Variants in CHD9 observed in about 807,000 individuals in gnomAD.
CHD9 encodes chromodomain helicase DNA binding protein 9.
CHD9 carries 77 observed loss-of-function variants against 316.1 expected under a neutral mutation model. That is an observed-to-expected ratio of 0.24 (90% CI 0.20 to 0.29). The LOEUF (loss-of-function observed/expected upper bound fraction) is 0.29, where lower values mean the gene tolerates loss of function less well. Ranked by LOEUF, CHD9 falls within the 10% of genes least tolerant of loss-of-function variation. The pLI is 1.00. For synonymous variants in CHD9, 1,129 were observed against 1,158.3 expected, an observed-to-expected ratio of 0.97 and a Z score of 0.51; for missense variants, 2,763 against 3,438.1, an observed-to-expected ratio of 0.80 and a Z score of 4.91.
chr16:53,280,515 CAG>C (rs373071354), intron 24 of CHD9, among the ~76,000 whole-genome samples: 2,962 of 151,660 alleles, frequency 0.02, 45 homozygotes, highest in Non-Finnish European at 0.024. Flanking sequence ...TATGGGGACT[CAG>C]GGGGGAAAGG....
intron 1 of CHD9, among the ~76,000 whole-genome samples, chr16:53,109,333 G>C (rs543777541): frequency 2.6e-5 from 4 of 152,272 alleles, no homozygotes; most frequent in Non-Finnish European, 5.9e-5. Flanking sequence ...GGGACTCGTA[G>C]TCCAGCTAGT....
Position 53,229,087 on chromosome 16 carries a change from A to G in CHD9, c.2273A>G (p.His758Arg). The part of the protein sequence containing the change: ...RFKLRQAQRA[H>R]FFADMEEEPF... ...AAATTGAGACAAGCACAAAGAGCAC[A>G]TTTTTTTGCAGACGTAAGAAAAAAA... is the stretch of plus-strand genomic sequence containing the variant. Residue 758 changes from histidine to arginine, a missense_variant, in exon 8 of 39, where the codon CAT becomes CGT. His to Arg is a conservative substitution (Grantham distance 29). Transcript: ENST00000447540. 6.4e-7 allele frequency: 1 copy of G among 1,571,038 alleles called. No homozygotes were observed. Among genetic ancestry groups the G allele is most frequent in the Non-Finnish European group, 8.7e-7 (1 of 1,154,358 alleles).
intron 24 of CHD9, among the ~76,000 whole-genome samples, chr16:53,276,973 A>G (rs2052901332): frequency 6.6e-6 from 1 of 152,190 alleles, no homozygotes; most frequent in African/African-American, 2.4e-5. Context: ...GGCTACTATG[A>G]ATACCTTTAT....
rs2049491936 is a variant in CHD9 at position 53,245,316 on chromosome 16, A to G, written c.3055-20A>G. ...TTTAGTACTGTGATGTTTGATGTGA[A>G]TTGTTCTCACTTTTTGTAGGAACAC... is the stretch of plus-strand genomic sequence containing the variant. On this transcript the variant is annotated intron_variant, in intron 13 of 38. Transcript: ENST00000447540. The surrounding 1 kb of genome is among the most constrained non-coding windows in gnomAD (Gnocchi z 4.1). 4.0e-6 allele frequency: 6 copies of G among 1,490,836 alleles called. No individual in the cohort carries two copies. The East Asian group carries it at 1.5e-4, about 37-fold the overall frequency. The allele number at this position is 1,490,836 out of a possible 1,614,324, so 92.4% of individuals were successfully genotyped here.
chr16:53,301,753 T>C (rs2055443934), intron 30 of CHD9, among the ~76,000 whole-genome samples: 2 of 149,324 alleles, frequency 1.3e-5, no homozygotes, highest in African/African-American at 4.9e-5. Context: ...CCTTCCTCTC[T>C]CTTTCTTTTT....
At chr16:53,163,664 A>G (rs1193112911) in intron 2 of CHD9, among the ~76,000 whole-genome samples, 1 of 152,180 alleles carries the variant, frequency 6.6e-6, no homozygotes, top group Non-Finnish European at 1.5e-5. Context: ...ATAATTTGTA[A>G]TGGTTTAGCA....
intron 1 of CHD9, among the ~76,000 whole-genome samples, chr16:53,135,263 G>A (rs1007230296): frequency 2.0e-5 from 3 of 152,162 alleles, no homozygotes; most frequent in African/African-American, 4.8e-5. Flanking sequence ...GCCTTGTGGG[G>A]CATATTAAAG....
rs188668021 is a variant in CHD9 at position 53,075,295 on chromosome 16, A to T, written c.-165+20218A>T. ...TTTTACAGGCTCATAGACAGAAGGG[A>T]CCTGCCTTGTCTCAGAAGAGACTTC... On this transcript the variant is annotated intron_variant, in intron 1 of 38. Transcript: ENST00000447540. Among the ~76,000 whole-genome samples, 26 of 152,274 alleles carry T rather than the reference A, an allele frequency of 1.7e-4. No individual in the cohort carries two copies. In the East Asian group the frequency reaches 4.6e-3, roughly 27 times the overall value.
At chr16:53,135,233 TAGAA>T (rs1184989953) in intron 1 of CHD9, among the ~76,000 whole-genome samples, 2 of 151,996 alleles carry the variant, frequency 1.3e-5, no homozygotes, top group Non-Finnish European at 2.9e-5. Flanking sequence ...AAATGAGAGA[TAGAA>T]AGCAGATTAT....
intron 1 of CHD9, among the ~76,000 whole-genome samples, chr16:53,119,723 T>C (rs2038592915): frequency 6.6e-6 from 1 of 152,082 alleles, no homozygotes; most frequent in Non-Finnish European, 1.5e-5. Context: ...TCCCAGCTAC[T>C]TGGGAGGCTG....
At chr16:53,267,848 T>C in intron 21 of CHD9, 79 bp from the exon 22 acceptor site, 1 of 1,294,614 alleles carries the variant, frequency 7.7e-7, no homozygotes, top group Non-Finnish European at 1.1e-6. Flanking sequence ...TTAAAGTTTT[T>C]CATTCCTTTT....
At chr16:53,161,927 AT>A (rs1423965197) in intron 2 of CHD9, among the ~76,000 whole-genome samples, 1 of 151,784 alleles carries the variant, frequency 6.6e-6, no homozygotes, top group African/African-American at 2.4e-5. Context: ...TAATTTTTGT[AT>A]TTTTTTGTAG....
chr16:53,120,004 T>A (rs2038614557), intron 1 of CHD9, among the ~76,000 whole-genome samples: 1 of 151,606 alleles, frequency 6.6e-6, no homozygotes, highest in African/African-American at 2.4e-5. Flanking sequence ...CGCAGGAGGG[T>A]TGCTTAAGCC....
At chr16:53,230,228 A>T (rs1344367032) in intron 8 of CHD9, among the ~76,000 whole-genome samples, 1 of 152,126 alleles carries the variant, frequency 6.6e-6, no homozygotes, top group Non-Finnish European at 1.5e-5. Flanking sequence ...ATACCTCTGT[A>T]CCCCAGTACT....
chr16:53,086,442 C>CT (rs2035465588), intron 1 of CHD9, among the ~76,000 whole-genome samples: 1 of 152,188 alleles, frequency 6.6e-6, no homozygotes, highest in Non-Finnish European at 1.5e-5. Context: ...CTGTCCCTGC[C>CT]TGTCAGCCCC....
intron 4 of CHD9, among the ~76,000 whole-genome samples, chr16:53,224,650 T>A (rs1447163396): frequency 6.6e-6 from 1 of 152,192 alleles, no homozygotes; most frequent in Non-Finnish European, 1.5e-5. Flanking sequence ...TGCTGAAAAC[T>A]TCTAACAGAA....
intron 1 of CHD9, among the ~76,000 whole-genome samples, chr16:53,137,020 C>G (rs2039767450): frequency 6.6e-6 from 1 of 151,724 alleles, no homozygotes; most frequent in African/African-American, 2.4e-5. Flanking sequence ...TGTCGCCAGG[C>G]TGGAGTGCAG....
intron 2 of CHD9, among the ~76,000 whole-genome samples, chr16:53,168,369 A>G (rs536990396): frequency 6.6e-6 from 1 of 152,200 alleles, no homozygotes; most frequent in Non-Finnish European, 1.5e-5. Flanking sequence ...AGCCTGCACA[A>G]TATTTTTAAA....
chr16:53,122,696 C>T (rs572601694), intron 1 of CHD9, among the ~76,000 whole-genome samples: 1 of 151,698 alleles, frequency 6.6e-6, no homozygotes, highest in Non-Finnish European at 1.5e-5. Context: ...AGGTGTGCAC[C>T]ACCACACCCA....
Sources: allele counts gnomAD v4.1 joint callset (sites outside exome capture counted in the v4.1 genomes callset), GRCh38; gene constraint gnomAD v4.1.1; non-coding constraint Gnocchi (gnomAD v3.1); transcripts MANE v1.5; gene names NCBI Gene and HGNC (gene_info 2026-07-23, HGNC 2026-07-21).